The following RC3H2 variants were observed in gnomAD, a reference collection of about 807,000 sequenced individuals.
RC3H2 encodes roquin-2.
Under a neutral mutation model 133.3 loss-of-function variants are expected in RC3H2, and 31 were observed. That is an observed-to-expected ratio of 0.23 (90% CI 0.17 to 0.31). RC3H2 has a LOEUF of 0.31. RC3H2 is among the 10% of genes least tolerant of loss of function. RC3H2 has a pLI of 1.00. For missense variants in RC3H2, 1,175 were observed against 1,437.2 expected, an observed-to-expected ratio of 0.82 and a Z score of 2.95; for synonymous variants, 517 against 502.2, an observed-to-expected ratio of 1.03 and a Z score of -0.40.
chr9:122,871,531 G>C (rs1831095787), intron 9 of RC3H2, among the ~76,000 whole-genome samples: 1 of 150,196 alleles, frequency 6.7e-6, no homozygotes. Flanking sequence ...CATCGTGTTA[G>C]CCAGGATAGT....
intron 1 of RC3H2, among the ~76,000 whole-genome samples, chr9:122,900,164 A>G (rs980234680): frequency 6.6e-6 from 1 of 152,218 alleles, no homozygotes; most frequent in Admixed American, 6.5e-5. Context: ...TAGAAACATC[A>G]GAGGTTTTAA....
At chr9:122,875,240 T>C in intron 9 of RC3H2, 1 of 1,551,186 alleles carries the variant, frequency 6.4e-7, no homozygotes. Context: ...TTCTGCTCTT[T>C]TCACTGCACA....
Position 122,869,728 on chromosome 9 carries a change from C to G in RC3H2, c.1326-4071G>C, listed in dbSNP as rs922860703. ...TTATAGGCGCGCGCCTGCCAACACA[C>G]CTGGCTAATTTTTGTATTTTTAGTA... On this transcript the variant is annotated intron_variant, in intron 9 of 20. Coordinates refer to ENST00000357244, the MANE Select transcript of RC3H2 (RefSeq NM_001100588.3). 2.0e-5 allele frequency among the ~76,000 whole-genome samples: 3 copies of G among 151,922 alleles called. No individual in the cohort carries two copies. The East Asian group carries it at 5.8e-4, about 29-fold the overall frequency.
chr9:122,881,945 T>C (rs1228903690), intron 5 of RC3H2, among the ~76,000 whole-genome samples: 4 of 152,170 alleles, frequency 2.6e-5, no homozygotes, highest in Admixed American at 2.6e-4. Flanking sequence ...GGTAGGCATA[T>C]ATTACCACTA....
intron 18 of RC3H2, among the ~76,000 whole-genome samples, chr9:122,852,774 C>G (rs1383211832): frequency 2.0e-5 from 3 of 147,342 alleles, no homozygotes; most frequent in Non-Finnish European, 3.0e-5. Context: ...GTCAGCCCCC[C>G]GCCTGGCCAG....
intron 18 of RC3H2, among the ~76,000 whole-genome samples, chr9:122,853,248 A>G (rs1830117699): frequency 6.6e-6 from 1 of 151,728 alleles, no homozygotes; most frequent in Admixed American, 6.6e-5. Flanking sequence ...ACGCTGCGGA[A>G]GGCCGCAGGG....
rs1348913635 is a variant in RC3H2 at position 122,851,092 on chromosome 9, G to A, written c.3369C>T (p.Asp1123=). The stretch of plus-strand genomic sequence containing the variant: ...TGTCTAACACTCACAGAATCACATG[G>A]TCTTCACCTAAACTCTGTTTCTTCT... ...PKQKKQSLGE[D]HVILEEQKTI... Residue 1123 remains aspartate (D), a synonymous_variant, in exon 20 of 21, where the codon GAC becomes GAT. Transcript: ENST00000357244. 2 of 1,614,018 alleles carry A rather than the reference G, an allele frequency of 1.2e-6. No individual in the cohort carries two copies. The highest frequency in any genetic ancestry group is 1.7e-5 in the Admixed American group (1 of 59,998).
intron 2 of RC3H2, among the ~76,000 whole-genome samples, chr9:122,896,852 G>A (rs1019705088): frequency 2.0e-5 from 3 of 151,512 alleles, no homozygotes; most frequent in South Asian, 2.1e-4. Flanking sequence ...GTGAAACCCC[G>A]TCTCTACTAA....
At chr9:122,892,701 G>T (rs1349777934) in intron 3 of RC3H2, among the ~76,000 whole-genome samples, 1 of 152,102 alleles carries the variant, frequency 6.6e-6, no homozygotes, top group African/African-American at 2.4e-5. Flanking sequence ...GTGAGCCACC[G>T]CGCCCGGCTC....
At chr9:122,878,909 T>C (rs140988604) in intron 8 of RC3H2, among the ~76,000 whole-genome samples, 4 of 148,218 alleles carry the variant, frequency 2.7e-5, no homozygotes, top group African/African-American at 7.3e-5. Flanking sequence ...CCACAATGCC[T>C]GGCTCATTTT....
In RC3H2 at chr9:122,847,874, C is replaced by T. The variant is rs1829903292; in HGVS notation, c.*1753G>A. ...AAATAAATGTGTAAGATCTTCCATA[C>T]TGACACCAGAATATCAAAACTACCC... On this transcript the variant is annotated 3_prime_UTR_variant, in exon 21 of 21. Transcript: ENST00000357244. 6.6e-6 allele frequency: 1 copy of T among 152,160 alleles called. No homozygotes were observed. The highest frequency in any genetic ancestry group is 2.4e-5 in the African/African-American group (1 of 41,448). 9.4% of individuals were successfully genotyped at this position (152,160 alleles called of 1,614,324 possible). A position where few individuals can be genotyped will look rare whatever the true frequency, so the allele number is the denominator to read the frequency against.
At chr9:122,886,848 T>C (rs1588102491) in intron 4 of RC3H2, among the ~76,000 whole-genome samples, 1 of 152,230 alleles carries the variant, frequency 6.6e-6, no homozygotes, top group Admixed American at 6.5e-5. Flanking sequence ...TCAAGTTATT[T>C]ACCCACTTTT....
chr9:122,873,632 G>A (rs1032912225), intron 9 of RC3H2, among the ~76,000 whole-genome samples: 11 of 151,892 alleles, frequency 7.2e-5, no homozygotes, highest in Non-Finnish European at 1.0e-4. Context: ...AGAATCCCCT[G>A]AGCCTGGGAG....
At chr9:122,868,362 T>A (rs1218265069) in intron 9 of RC3H2, among the ~76,000 whole-genome samples, 1 of 152,152 alleles carries the variant, frequency 6.6e-6, no homozygotes. Context: ...TGGAAAGAAG[T>A]AGACATGGGA....
intron 8 of RC3H2, among the ~76,000 whole-genome samples, chr9:122,879,134 G>A (rs747504103): frequency 1.1e-4 from 16 of 150,450 alleles, no homozygotes; most frequent in African/African-American, 1.9e-4. Flanking sequence ...GATGGCTCAC[G>A]CCTGTAATCC....
chr9:122,874,158 T>C (rs1355630575), intron 9 of RC3H2: 1 of 152,036 alleles, frequency 6.6e-6, no homozygotes, highest in Non-Finnish European at 1.5e-5. Flanking sequence ...ATAAACAATA[T>C]AGACAAGTGA....
Position 122,865,640 on chromosome 9 carries a change from T to C in RC3H2, c.1343A>G (p.Lys448Arg). ...EELEKYRLRN[K>R]KINATVRTFP... ...CGTTCTTACAGTGGCATTGATCTTT[T>C]TGTTCCTTAATCGATACCTGTTTCA... is the stretch of plus-strand genomic sequence containing the variant. The change falls in exon 10 of 21, where the codon AAA (lysine) becomes AGA (arginine). Residue 448 changes from lysine (K) to arginine (R), a missense_variant. By Grantham distance (26) the Lys-to-Arg change is conservative. Around this residue, in one of 8 missense-constraint regions of RC3H2, gnomAD observed 490 missense variants for 492.8 expected, o/e 0.99. Transcript: ENST00000357244. 2 of 1,611,832 alleles carry C rather than the reference T, an allele frequency of 1.2e-6. No individual in the cohort carries two copies. The highest frequency in any genetic ancestry group is 1.1e-5 in the South Asian group (1 of 91,082).
At chr9:122,868,184 G>A (rs1325564903) in intron 9 of RC3H2, among the ~76,000 whole-genome samples, 15 of 151,036 alleles carry the variant, frequency 9.9e-5, no homozygotes, top group African/African-American at 2.9e-4. Flanking sequence ...CTGCCCGGCC[G>A]CCCCTACTGG....
At chr9:122,884,201 G>A (rs1318582942) in intron 4 of RC3H2, among the ~76,000 whole-genome samples, 7 of 152,026 alleles carry the variant, frequency 4.6e-5, no homozygotes, top group African/African-American at 1.7e-4. Flanking sequence ...GCTGAGGCAG[G>A]AGAATGGCAT....
Sources: gnomAD v4.1 joint callset for allele counts (sites outside exome capture counted in the v4.1 genomes callset) on GRCh38, gnomAD v4.1.1 for gene constraint, gnomAD v4.1.1 regional missense constraint, MANE v1.5 for transcripts, NCBI Gene and HGNC (gene_info 2026-07-23, HGNC 2026-07-21) for gene names.